Variants in SYT16 observed in about 807,000 individuals in gnomAD.
The protein encoded by SYT16 is synaptotagmin-16.
In SYT16, 42 loss-of-function variants were observed where a neutral mutation model predicts 61.4. The ratio of observed to expected loss-of-function variants is 0.68; its 90% CI spans 0.53 to 0.89. The LOEUF is 0.89. Among genes scored for constraint, SYT16 ranks in the 40% least tolerant of loss-of-function variants. SYT16 has a pLI of 0.00. For synonymous variants in SYT16, 314 were observed against 302.3 expected (o/e 1.04, Z -0.40); for missense variants, 804 against 807.3 (o/e 1.00, Z 0.05).
chr14:61,843,791 G>A (rs2046365598), intron 1 of SYT16, among the ~76,000 whole-genome samples: 1 of 152,190 alleles, frequency 6.6e-6, no homozygotes, highest in South Asian at 2.1e-4. Context: ...GTATCATGGT[G>A]TTTTGGTTAG....
intron 3 of SYT16, among the ~76,000 whole-genome samples, chr14:62,038,120 G>A (rs963821844): frequency 6.6e-6 from 1 of 151,942 alleles, no homozygotes; most frequent in Non-Finnish European, 1.5e-5. Flanking sequence ...ATAGGATGTG[G>A]ATAGGGGTTT....
intron 1 of SYT16, among the ~76,000 whole-genome samples, chr14:61,959,408 C>G (rs2051021431): frequency 6.6e-6 from 1 of 151,386 alleles, no homozygotes; most frequent in African/African-American, 2.4e-5. Context: ...ATTTTTTTAT[C>G]TTGTGTGCAT....
At chr14:61,839,299 G>T (rs1027583797) in intron 1 of SYT16, among the ~76,000 whole-genome samples, 1 of 152,282 alleles carries the variant, frequency 6.6e-6, no homozygotes, top group Non-Finnish European at 1.5e-5. Context: ...CTGTTCTTCT[G>T]CCATGTGAGG....
intron 3 of SYT16, among the ~76,000 whole-genome samples, chr14:62,023,539 G>C (rs2053990206): frequency 6.6e-6 from 1 of 152,146 alleles, no homozygotes. Context: ...TGCTTTGGCT[G>C]ATTTTACCAT....
intron 3 of SYT16, among the ~76,000 whole-genome samples, chr14:62,028,758 ACT>A (rs1169760979): frequency 2.0e-5 from 3 of 152,022 alleles, no homozygotes; most frequent in African/African-American, 7.3e-5. Context: ...TGAAATAAAT[ACT>A]CTTTTTTTAA....
chr14:61,835,994 C>T (rs207474900), intron 1 of SYT16, among the ~76,000 whole-genome samples: 3 of 152,128 alleles, frequency 2.0e-5, no homozygotes, highest in Non-Finnish European at 4.4e-5. Context: ...TTGCCATCAC[C>T]GGGAACTTGT....
In SYT16 at chr14:62,111,679, T is replaced by G. The variant is rs2057611571; in HGVS notation, c.*10972T>G. ...GGAAGCCACCCCAATCCTCTCCCAG[T>G]GTTTCATAGGCATTTTCAGACCTGG... On this transcript the variant is annotated 3_prime_UTR_variant, in exon 8 of 8. Transcript: ENST00000683842. 6.6e-6 allele frequency: 1 copy of G among 152,236 alleles called. No individual in the cohort carries two copies. The highest frequency in any genetic ancestry group is 2.4e-5 in the African/African-American group (1 of 41,578). 9.4% of individuals were successfully genotyped at this position (152,236 alleles called of 1,614,324 possible). A position where few individuals can be genotyped will look rare whatever the true frequency, so the allele number is the denominator to read the frequency against.
intron 1 of SYT16, among the ~76,000 whole-genome samples, chr14:61,861,088 G>A (rs192919995): frequency 2.6e-5 from 4 of 152,290 alleles, no homozygotes; most frequent in South Asian, 2.1e-4. Flanking sequence ...AAGTATGGAA[G>A]GTGGTGATCA....
At chr14:62,016,638 G>A (rs1566767189) in intron 3 of SYT16, among the ~76,000 whole-genome samples, 3 of 151,968 alleles carry the variant, frequency 2.0e-5, no homozygotes, top group Non-Finnish European at 2.9e-5. Flanking sequence ...GCATGAACCC[G>A]GGAGGCAGAG....
intron 3 of SYT16, among the ~76,000 whole-genome samples, chr14:62,023,506 A>G (rs2053988814): frequency 6.6e-6 from 1 of 151,722 alleles, no homozygotes; most frequent in Non-Finnish European, 1.5e-5. Flanking sequence ...GTGCTTACCT[A>G]CTCCCAGGAA....
intron 6 of SYT16, among the ~76,000 whole-genome samples, chr14:62,082,073 GAA>G (rs2056728529): frequency 6.6e-6 from 1 of 152,188 alleles, no homozygotes; most frequent in South Asian, 2.1e-4. Context: ...GAGGATCAGA[GAA>G]AGTTTCTTTG....
intron 1 of SYT16, among the ~76,000 whole-genome samples, chr14:61,876,056 G>T (rs946052999): frequency 2.0e-5 from 3 of 152,174 alleles, no homozygotes; most frequent in Admixed American, 6.5e-5. Context: ...GCGTGTTTGT[G>T]TGTGTGCGTG....
At chr14:62,008,802 GTTTTA>G (rs1253611856) in intron 3 of SYT16, among the ~76,000 whole-genome samples, 1 of 151,740 alleles carries the variant, frequency 6.6e-6, no homozygotes, top group African/African-American at 2.4e-5. Context: ...ATGTAGATTT[GTTTTA>G]TTTTTACTGC....
At chr14:61,834,840 T>G (rs549583502) in intron 1 of SYT16, among the ~76,000 whole-genome samples, 26 of 152,336 alleles carry the variant, frequency 1.7e-4, no homozygotes, top group African/African-American at 6.0e-4. Flanking sequence ...AAATTATTCA[T>G]TAAACACACT....
intron 1 of SYT16, among the ~76,000 whole-genome samples, chr14:61,852,342 T>C (rs1453673124): frequency 6.6e-6 from 1 of 152,224 alleles, no homozygotes; most frequent in Non-Finnish European, 1.5e-5. Flanking sequence ...TAGTTTGAAG[T>C]TGAGTAGCGT....
At position 61,958,488 on chromosome 14, in the gene SYT16, A is replaced by G. The variant is rs2050975174; in HGVS notation, c.-324-11644A>G. Reference sequence around the variant, plus strand: ...TTGTATTTTTTGTGTCTTGATAAATATTAATTTCCTTTTTGATTCATTCTT... The same window carrying G: ...TTGTATTTTTTGTGTCTTGATAAATGTTAATTTCCTTTTTGATTCATTCTT... On this transcript the variant is annotated intron_variant, in intron 1 of 7. Coordinates refer to ENST00000683842, the MANE Select transcript of SYT16 (RefSeq NM_001367656.1). Among the ~76,000 whole-genome samples, 5 of 152,056 alleles carry G rather than the reference A, an allele frequency of 3.3e-5. 1 individual carries two copies. The South Asian group carries it at 1.0e-3, about 32-fold the overall frequency.
At chr14:61,885,504 A>G (rs1370250659) in intron 1 of SYT16, among the ~76,000 whole-genome samples, 1 of 152,202 alleles carries the variant, frequency 6.6e-6, no homozygotes, top group East Asian at 1.9e-4. Context: ...TTGTGGGTGG[A>G]TGAATCCTTG....
At chr14:62,044,630 C>T (rs1300241479) in intron 3 of SYT16, among the ~76,000 whole-genome samples, 1 of 152,154 alleles carries the variant, frequency 6.6e-6, no homozygotes, top group East Asian at 1.9e-4. Flanking sequence ...AGAATATGAA[C>T]TCATTCTTTT....
chr14:61,859,711 C>G (rs2046908381), intron 1 of SYT16, among the ~76,000 whole-genome samples: 2 of 152,004 alleles, frequency 1.3e-5, no homozygotes, highest in South Asian at 4.2e-4. Flanking sequence ...CAAATTAAGT[C>G]ACCTGAGATT....
Sources: allele counts gnomAD v4.1 joint callset (sites outside exome capture counted in the v4.1 genomes callset), GRCh38; gene constraint gnomAD v4.1.1; transcripts MANE v1.5; gene names NCBI Gene and HGNC (gene_info 2026-07-23, HGNC 2026-07-21).